TTN: variants seen among roughly 807,000 people sequenced by gnomAD.
TTN encodes the protein titin.
A neutral mutation model predicts 3,223.0 loss-of-function variants in TTN; 1,525 were observed. The ratio of observed to expected loss-of-function variants is 0.47; its 90% CI spans 0.45 to 0.49. TTN has a LOEUF of 0.49. Among genes scored for constraint, TTN ranks in the 20% least tolerant of loss-of-function variants. The pLI is 0.00. For synonymous variants in TTN, 14,094 were observed against 15,161.0 expected (o/e 0.93, Z 5.17); for missense variants, 40,786 against 43,424.0 (o/e 0.94, Z 5.40).
In TTN at chr2:178,551,946, T is replaced by G; in HGVS notation, c.90954A>C (p.Ala30318=). The part of the protein sequence containing the change: ...SQPLVSSIIV[A]KHQFRIPGPP... ...GACCAGGAATCCTGAACTGGTGTTTTGCCACAATAATGCTTGAGACAAGTG... is the reference window on the plus strand; with the variant it reads ...GACCAGGAATCCTGAACTGGTGTTTGGCCACAATAATGCTTGAGACAAGTG... The change falls in exon 335 of 363, where the codon GCA becomes GCC. Residue 30318 remains alanine, a synonymous_variant. Coordinates refer to ENST00000589042, the MANE Select transcript of TTN (RefSeq NM_001267550.2). 6.2e-7 allele frequency: 1 copy of G among 1,613,244 alleles called. No individual in the cohort carries two copies. Among genetic ancestry groups the G allele is most frequent in the South Asian group, 1.1e-5 (1 of 91,052 alleles).
rs1560899050 is a variant in TTN, at chr2:178,739,806, G to A, written c.13427C>T (p.Ala4476Val). ...MANLKMELRD[A>V]LCAIIYEEID... ...TTCCTCATATATAATAGCACACAAA[G>A]CATCCCTAAGTTCCATTTTCAGGTT... The change falls in exon 48 of 363, where the codon GCT becomes GTT. Residue 4476 changes from alanine (A) to valine (V), a missense_variant. By Grantham distance (64) the Ala-to-Val change is moderately conservative. Coordinates refer to ENST00000589042, the MANE Select transcript of TTN (RefSeq NM_001267550.2). 1 of 1,613,714 alleles carries A rather than the reference G, an allele frequency of 6.2e-7. No individual in the cohort carries two copies. The highest frequency in any genetic ancestry group is 8.5e-7 in the Non-Finnish European group (1 of 1,179,828).
rs780802517 is a variant in TTN, at chr2:178,799,606, G to A, written c.795C>T (p.Ser265=). ...PRIPPKPKSR[S]PTPPSIAAKA... ...TGGCAGCAATAGACGGTGGTGTTGG[G>A]GATCTTGACTTTGGCTTCGGAGGAA... The change falls in exon 6 of 363, where the codon TCC becomes TCT. Residue 265 remains serine (S), a synonymous_variant. Transcript: ENST00000589042. The A allele has an allele frequency of 3.2e-5, 51 of 1,614,018 alleles. No individual in the cohort carries two copies. The highest frequency in any genetic ancestry group is 4.2e-5 in the Non-Finnish European group (50 of 1,180,014).
At position 178,551,671 on chromosome 2, in the gene TTN, G is replaced by A; in HGVS notation, c.91229C>T (p.Pro30410Leu). 1 of 1,606,346 alleles carries A rather than the reference G, an allele frequency of 6.2e-7. No individual in the cohort carries two copies. Among genetic ancestry groups the A allele is most frequent in the Non-Finnish European group, 8.5e-7 (1 of 1,174,884 alleles). ...YAENSAGLSS[P>L]SDPSKFTLAV... ...TAAGGTAAATTTGCTTGGGTCACTA[G>A]GTGAGCTTAGGCCAGCAGAATTTTC... is the stretch of plus-strand genomic sequence containing the variant. Residue 30410 changes from proline to leucine, a missense_variant, in exon 335 of 363, where the codon CCT becomes CTT. Pro to Leu is a moderately conservative substitution (Grantham distance 98). Coordinates refer to ENST00000589042, the MANE Select transcript of TTN (RefSeq NM_001267550.2).
intron 12 of TTN, 146 bp from the exon 13 acceptor site, chr2:178,789,643 C>T: frequency 8.9e-7 from 1 of 1,120,276 alleles, no homozygotes; most frequent in South Asian, 1.4e-5. Flanking sequence ...GCAATGTCTA[C>T]ATATACTGAC....
At chr2:178,673,522 T>C in intron 152 of TTN, 111 bp downstream of exon 152, 1 of 693,350 alleles carries the variant, frequency 1.4e-6, no homozygotes, top group East Asian at 3.0e-5. Flanking sequence ...TGGTCCTTAA[T>C]CAGTTCACTA....
In TTN at chr2:178,782,197, C is replaced by T; in HGVS notation, c.3380+15G>A. 1 of 1,613,830 alleles carries T rather than the reference C, an allele frequency of 6.2e-7. No individual in the cohort carries two copies. On this transcript the variant is annotated intron_variant, in intron 20 of 362. Coordinates refer to ENST00000589042, the MANE Select transcript of TTN (RefSeq NM_001267550.2). ...TACAAGTCACAGAGAACTCTATATTCAGCCATCAAAATACCTGTATCCAGT... is the reference window on the plus strand; with the variant it reads ...TACAAGTCACAGAGAACTCTATATTTAGCCATCAAAATACCTGTATCCAGT...
In TTN at chr2:178,573,229, A is replaced by G; in HGVS notation, c.72903T>C (p.Asn24301=). ...HEYEFRIMAE[N]AAGISAPSPT... ...GACTTGGTGCACTAATTCCAGCAGC[A>G]TTTTCAGCCATAATCCTGAACTCAT... Residue 24301 remains asparagine (N), a synonymous_variant, in exon 326 of 363, where the codon AAT becomes AAC. Coordinates refer to ENST00000589042, the MANE Select transcript of TTN (RefSeq NM_001267550.2). The G allele has an allele frequency of 6.2e-7, 1 of 1,606,670 alleles. No individual in the cohort carries two copies. Among genetic ancestry groups the G allele is most frequent in the Non-Finnish European group, 8.5e-7 (1 of 1,175,406 alleles).
rs926062512 is a variant in TTN, at chr2:178,799,838, G to A, written c.656C>T (p.Thr219Ile). The A allele has an allele frequency of 2.2e-5, 35 of 1,614,022 alleles. No homozygotes were observed. Among genetic ancestry groups the A allele is most frequent in the Non-Finnish European group, 3.0e-5 (35 of 1,180,032 alleles). ...ATAGAAAAATACCTTTTCAATTCGGGTTTGTCTTGATTCTGAGATCTGAGC... is the reference window on the plus strand; with the variant it reads ...ATAGAAAAATACCTTTTCAATTCGGATTTGTCTTGATTCTGAGATCTGAGC... ...STAQISESRQ[T>I]RIEKKIEAHF... The change falls in exon 5 of 363, where the codon ACC (threonine) becomes ATC (isoleucine). Residue 219 changes from threonine to isoleucine, a missense_variant. Coordinates refer to ENST00000589042, the MANE Select transcript of TTN (RefSeq NM_001267550.2).
rs1577265887 is a variant in TTN, at chr2:178,675,911, A to T, written c.34453+10T>A. 5 of 1,605,320 alleles carry T rather than the reference A, an allele frequency of 3.1e-6. No individual in the cohort carries two copies. In the East Asian group the frequency reaches 1.1e-4, roughly 36 times the overall value. On this transcript the variant is annotated intron_variant, in intron 148 of 362. Coordinates refer to ENST00000589042, the MANE Select transcript of TTN (RefSeq NM_001267550.2). ...ATGGCATAGTCTAATTTACTTCGGAATAGCAATACCTTTGGCAGGGGGAGC... is the reference window on the plus strand; with the variant it reads ...ATGGCATAGTCTAATTTACTTCGGATTAGCAATACCTTTGGCAGGGGGAGC...
In TTN at chr2:178,733,635, C is replaced by A; in HGVS notation, c.15754G>T (p.Val5252Phe). Reference protein sequence around the residue: ...AENEAGSQTSVGELIVKEPAK... With the variant: ...AENEAGSQTSFGELIVKEPAK... ...AAACCTTTAACTATTAATTCCCCAA[C>A]AGATGTTTGGCTTCCAGCTTCATTT... The change falls in exon 53 of 363, where the codon GTT becomes TTT. Residue 5252 changes from valine to phenylalanine, a missense_variant. Val to Phe is a conservative substitution (Grantham distance 50). Transcript: ENST00000589042. 1 of 1,612,294 alleles carries A rather than the reference C, an allele frequency of 6.2e-7. No homozygotes were observed. Among genetic ancestry groups the A allele is most frequent in the Middle Eastern group, 1.7e-4 (1 of 6,044 alleles).
In TTN at chr2:178,572,579, T is replaced by C; in HGVS notation, c.73553A>G (p.Asp24518Gly). 5 of 1,613,464 alleles carry C rather than the reference T, an allele frequency of 3.1e-6. No individual in the cohort carries two copies. The highest frequency in any genetic ancestry group is 1.1e-5 in the South Asian group (1 of 91,060). ...CAGATCCTGTGGGGGGCCTGGTGTA[T>C]CGAGAACTCTAACATTGACAAATGC... ...KSAFVNVRVLDTPGPPQDLKV... is the reference protein window; with the variant it reads ...KSAFVNVRVLGTPGPPQDLKV... Residue 24518 changes from aspartate (D) to glycine (G), a missense_variant, in exon 326 of 363, where the codon GAT becomes GGT. By Grantham distance (94) the Asp-to-Gly change is moderately conservative (BLOSUM62 -1). Transcript: ENST00000589042.
chr2:178,677,582 CA>C, intron 146 of TTN, 38 bp downstream of exon 146: 1 of 1,558,434 alleles, frequency 6.4e-7, no homozygotes, highest in Non-Finnish European at 8.7e-7. Context: ...GAATTCAACA[CA>C]AAAGAGGCCT....
chr2:178,762,070 T>G (rs1323641454), intron 43 of TTN, among the ~76,000 whole-genome samples: 4 of 152,142 alleles, frequency 2.6e-5, no homozygotes, highest in African/African-American at 9.7e-5. Context: ...CTTCAGAAAG[T>G]ATTACAACCC....
chr2:178,653,247 G>A lies in TTN; in HGVS notation c.38782C>T (p.Pro12928Ser), dbSNP rs1314942115. 3.1e-6 allele frequency: 5 copies of A among 1,612,016 alleles called. No homozygotes were observed. Among genetic ancestry groups the A allele is most frequent in the Non-Finnish European group, 3.4e-6 (4 of 1,179,270 alleles). ...LAPPKKPEVP[P>S]VKVPEAPKEV... Reference sequence around the variant, plus strand: ...GGTCAGTGACAAATACCTTTAACAGGTGGGACTTCAGGCTTTTTAGGAGGA... The same window carrying A: ...GGTCAGTGACAAATACCTTTAACAGATGGGACTTCAGGCTTTTTAGGAGGA... The change falls in exon 198 of 363, where the codon CCT becomes TCT. Residue 12928 changes from proline to serine, a missense_variant. By Grantham distance (74) the Pro-to-Ser change is moderately conservative. Coordinates refer to ENST00000589042, the MANE Select transcript of TTN (RefSeq NM_001267550.2).
rs1186794685 is a variant in TTN at position 178,705,376 on chromosome 2, G to C, written c.29421-19C>G. 3.3e-6 allele frequency: 5 copies of C among 1,503,040 alleles called. No individual in the cohort carries two copies. The Admixed American group carries it at 1.2e-4, about 35-fold the overall frequency. The allele number at this position is 1,503,040 out of a possible 1,614,324, so 93.1% of individuals were successfully genotyped here. ...TGGAGTCCTAAATAAAATTTAAAAA[G>C]TAAGGATAAAACACCTGTCTTCTAC... On this transcript the variant is annotated intron_variant, in intron 102 of 362. Transcript: ENST00000589042.
Position 178,621,105 on chromosome 2 carries a change from T to A in TTN, c.45613A>T (p.Ile15205Phe). 6.2e-7 allele frequency: 1 copy of A among 1,611,832 alleles called. No homozygotes were observed. Among genetic ancestry groups the A allele is most frequent in the Non-Finnish European group, 8.5e-7 (1 of 1,179,110 alleles). ...AARAAAHLTV[I>F]EKLRIVVPLK... ...CTAAAAGCAAGAACAAACTTACCAA[T>A]GACTGTCAAGTGAGCTGCTGCTCTG... is the stretch of plus-strand genomic sequence containing the variant. Residue 15205 changes from isoleucine (I) to phenylalanine (F), a missense_variant, in exon 246 of 363, where the codon ATT becomes TTT. Coordinates refer to ENST00000589042, the MANE Select transcript of TTN (RefSeq NM_001267550.2).
In TTN at chr2:178,775,509, C is replaced by G. The variant is rs869312098; in HGVS notation, c.6355G>C (p.Glu2119Gln). ...CEWYKNGVKI[E>Q]RSDRIYWYWP... ...TACCAGTAGATCCGGTCAGACCGTT[C>G]AATTTTGACACCATTTTTGTACCAT... The change falls in exon 28 of 363, where the codon GAA becomes CAA. Residue 2119 changes from glutamate (E) to glutamine (Q), a missense_variant. Coordinates refer to ENST00000589042, the MANE Select transcript of TTN (RefSeq NM_001267550.2). 3 of 1,613,970 alleles carry G rather than the reference C, an allele frequency of 1.9e-6. No individual in the cohort carries two copies. The highest frequency in any genetic ancestry group is 2.2e-5 in the East Asian group (1 of 44,826).
At chr2:178,598,692 TC>T in intron 291 of TTN, 38 bp from the exon 292 acceptor site, 1 of 1,601,988 alleles carries the variant, frequency 6.2e-7, no homozygotes, top group Non-Finnish European at 8.5e-7. Context: ...TCTTGACTTT[TC>T]CAAGGCACTT....
chr2:178,802,007 C>T (rs1039612934), intron 3 of TTN, 131 bp downstream of exon 3: 17 of 1,108,314 alleles, frequency 1.5e-5, no homozygotes, highest in Non-Finnish European at 2.2e-5. Flanking sequence ...AATAATTCAG[C>T]CTCCAGTAGA....
Sources: gnomAD v4.1 joint callset for allele counts (sites outside exome capture counted in the v4.1 genomes callset) on GRCh38, gnomAD v4.1.1 for gene constraint, MANE v1.5 for transcripts, NCBI Gene and HGNC (gene_info 2026-07-23, HGNC 2026-07-21) for gene names.